Variants in CAMKMT observed in about 807,000 individuals in gnomAD.
CAMKMT encodes CaM KMT.
CAMKMT carries 53 observed loss-of-function variants against 48.0 expected under a neutral mutation model. The ratio of observed to expected loss-of-function variants is 1.10; its 90% CI spans 0.89 to 1.39. The LOEUF is 1.39. Among genes scored for constraint, CAMKMT ranks in the 40% most tolerant of loss-of-function variants. The pLI, the probability that CAMKMT is intolerant of heterozygous loss-of-function variation, is 0.00. For missense variants in CAMKMT, 428 were observed against 402.7 expected, an observed-to-expected ratio of 1.06 and a Z score of -0.54; for synonymous variants, 165 against 152.3, an observed-to-expected ratio of 1.08 and a Z score of -0.61.
intron 3 of CAMKMT, among the ~76,000 whole-genome samples, chr2:44,688,387 T>A (rs1676455714): frequency 6.6e-6 from 1 of 151,920 alleles, no homozygotes; most frequent in Non-Finnish European, 1.5e-5. Flanking sequence ...TTCCTTCATA[T>A]CAATGAATAA....
At chr2:44,549,475 A>G in intron 3 of CAMKMT, 1 of 679,174 alleles carries the variant, frequency 1.5e-6, no homozygotes, top group East Asian at 2.7e-5. Flanking sequence ...GTCACTTGCC[A>G]CAATGTCTTG....
chr2:44,443,240 A>G (rs950387427), intron 3 of CAMKMT, among the ~76,000 whole-genome samples: 1 of 152,126 alleles, frequency 6.6e-6, no homozygotes, highest in Non-Finnish European at 1.5e-5. Flanking sequence ...GTACTGAAAT[A>G]TTTTACTCTC....
intron 3 of CAMKMT, among the ~76,000 whole-genome samples, chr2:44,568,972 A>AGGGTT (rs1668765440): frequency 6.6e-6 from 1 of 152,176 alleles, no homozygotes; most frequent in Non-Finnish European, 1.5e-5. Context: ...TGGTGGTTGA[A>AGGGTT]ATGTCAGTCT....
intron 7 of CAMKMT, among the ~76,000 whole-genome samples, chr2:44,742,653 G>T (rs1679742431): frequency 6.6e-6 from 1 of 152,012 alleles, no homozygotes; most frequent in Non-Finnish European, 1.5e-5. Context: ...GAAATTTACT[G>T]GCATTAATAT....
At chr2:44,500,202 G>A (rs75847925) in intron 3 of CAMKMT, among the ~76,000 whole-genome samples, 4,434 of 152,216 alleles carry the variant, frequency 0.029, 89 homozygotes, top group Non-Finnish European at 0.044. Flanking sequence ...TCTCACTAGG[G>A]TTTTAGAGTA....
intron 3 of CAMKMT, among the ~76,000 whole-genome samples, chr2:44,396,678 G>C (rs908732589): frequency 6.6e-6 from 1 of 151,470 alleles, no homozygotes; most frequent in African/African-American, 2.4e-5. Context: ...TTTTCCAGAG[G>C]CAGTCTGATT....
chr2:44,390,011 TA>T (rs1376328405), intron 2 of CAMKMT, among the ~76,000 whole-genome samples: 3 of 152,214 alleles, frequency 2.0e-5, no homozygotes, highest in Admixed American at 6.5e-5. Flanking sequence ...GTTAGTACTT[TA>T]AGATGTAGAT....
intron 3 of CAMKMT, among the ~76,000 whole-genome samples, chr2:44,540,378 T>C (rs1667029874): frequency 6.6e-6 from 1 of 152,168 alleles, no homozygotes; most frequent in Non-Finnish European, 1.5e-5. Flanking sequence ...GATCATCTTG[T>C]ACTTTCTCTG....
At chr2:44,436,782 T>C (rs1379579359) in intron 3 of CAMKMT, among the ~76,000 whole-genome samples, 1 of 152,122 alleles carries the variant, frequency 6.6e-6, no homozygotes, top group African/African-American at 2.4e-5. Flanking sequence ...TAATAGTGAC[T>C]TTTAAACACT....
chr2:44,407,695 G>A (rs934626406), intron 3 of CAMKMT, among the ~76,000 whole-genome samples: 1 of 152,334 alleles, frequency 6.6e-6, no homozygotes, highest in Non-Finnish European at 1.5e-5. Context: ...GTTGAGCCAT[G>A]GCTAAAAGGA....
At chr2:44,439,501 A>G (rs957525731) in intron 3 of CAMKMT, among the ~76,000 whole-genome samples, 8 of 152,112 alleles carry the variant, frequency 5.3e-5, no homozygotes, top group South Asian at 2.1e-4. Flanking sequence ...AGTTAGTTCT[A>G]GTTGCTTCCC....
At chr2:44,423,445 A>G (rs1684065197) in intron 3 of CAMKMT, among the ~76,000 whole-genome samples, 1 of 152,120 alleles carries the variant, frequency 6.6e-6, no homozygotes, top group South Asian at 2.1e-4. Context: ...TGGCCTCCCG[A>G]AGTGCTGGCA....
chr2:44,404,437 A>T (rs1682637179), intron 3 of CAMKMT, among the ~76,000 whole-genome samples: 1 of 151,954 alleles, frequency 6.6e-6, no homozygotes, highest in African/African-American at 2.4e-5. Flanking sequence ...CATATTGGCG[A>T]TATTTTCCCC....
At position 44,536,343 on chromosome 2, in the gene CAMKMT, A is replaced by G. The variant is rs139070211; in HGVS notation, c.376+146038A>G. ...AAATACCAACTTTTTTTTTTTTTTT[A>G]AGGTGGAGTCTCACTCTGTTGCCCC... On this transcript the variant is annotated intron_variant, in intron 3 of 10. Transcript: ENST00000378494. Among the ~76,000 whole-genome samples, 8 of 148,512 alleles carry G rather than the reference A, an allele frequency of 5.4e-5. No homozygotes were observed. The East Asian group carries it at 1.6e-3, about 29-fold the overall frequency.
intron 3 of CAMKMT, among the ~76,000 whole-genome samples, chr2:44,648,124 G>C (rs1673852763): frequency 6.6e-6 from 1 of 151,874 alleles, no homozygotes; most frequent in South Asian, 2.1e-4. Context: ...CCAATGACAT[G>C]TCATGAAAAA....
intron 7 of CAMKMT, among the ~76,000 whole-genome samples, chr2:44,738,626 A>G (rs902360405): frequency 6.6e-6 from 1 of 152,262 alleles, no homozygotes; most frequent in African/African-American, 2.4e-5. Context: ...CATTGGAAAT[A>G]CATCACTGTA....
chr2:44,703,944 T>C (rs1677401168), intron 3 of CAMKMT, among the ~76,000 whole-genome samples: 1 of 152,190 alleles, frequency 6.6e-6, no homozygotes, highest in Non-Finnish European at 1.5e-5. Flanking sequence ...CAACTGATAC[T>C]AATTAATTTT....
intron 7 of CAMKMT, among the ~76,000 whole-genome samples, chr2:44,739,058 A>C (rs1679520804): frequency 6.6e-6 from 1 of 152,228 alleles, no homozygotes; most frequent in Non-Finnish European, 1.5e-5. Context: ...AGATGAGGAC[A>C]GAGTGGTAAC....
intron 3 of CAMKMT, among the ~76,000 whole-genome samples, chr2:44,399,582 A>T (rs1347639871): frequency 6.6e-6 from 1 of 151,622 alleles, no homozygotes; most frequent in Non-Finnish European, 1.5e-5. Flanking sequence ...CTGCCATCTC[A>T]CATTGCTACT....
Sources: gnomAD v4.1 joint callset for allele counts (sites outside exome capture counted in the v4.1 genomes callset) on GRCh38, gnomAD v4.1.1 for gene constraint, MANE v1.5 for transcripts, NCBI Gene and HGNC (gene_info 2026-07-23, HGNC 2026-07-21) for gene names.